The following COPG1 variants were observed in gnomAD, a reference collection of about 807,000 sequenced individuals.
The protein encoded by COPG1 is coat protein complex I subunit gamma 1.
In COPG1, 29 loss-of-function variants were observed where a neutral mutation model predicts 102.8. That is an observed-to-expected ratio of 0.28 (90% CI 0.21 to 0.38). COPG1 has a LOEUF of 0.38. Ranked by LOEUF, COPG1 falls within the 10% of genes least tolerant of loss-of-function variation. COPG1 has a pLI of 1.00. For missense variants in COPG1, 875 were observed against 1,132.7 expected (o/e 0.77, Z 3.27); for synonymous variants, 406 against 421.6 (o/e 0.96, Z 0.45).
Position 129,271,254 on chromosome 3 carries a change from C to T in COPG1, c.1844-513C>T, listed in dbSNP as rs953123193. 1.3e-5 allele frequency among the ~76,000 whole-genome samples: 2 copies of T among 152,162 alleles called. No individual in the cohort carries two copies. Among genetic ancestry groups the T allele is most frequent in the African/African-American group, 2.4e-5 (1 of 41,430 alleles). On this transcript the variant is annotated intron_variant, in intron 18 of 23. Coordinates refer to ENST00000314797, the MANE Select transcript of COPG1 (RefSeq NM_016128.4). The surrounding 1 kb of genome is among the most constrained non-coding windows in gnomAD (Gnocchi z 4.7). ...AGGGATAGGTCTTACCAGACACAAA[C>T]AATTCTAAGTTAGGTTTTCTGCAAC... is the stretch of plus-strand genomic sequence containing the variant.
rs778006635 is a variant in COPG1, at chr3:129,252,265, G to A, written c.91-16G>A. The A allele has an allele frequency of 6.4e-7, 1 of 1,559,270 alleles. No individual in the cohort carries two copies. The highest frequency in any genetic ancestry group is 1.1e-5 in the South Asian group (1 of 89,770). ...AACTAGGCTAGAAGGTAACATCTTTGGTCATTTCTTCTTAGGCCCGTGTAT... is the reference window on the plus strand; with the variant it reads ...AACTAGGCTAGAAGGTAACATCTTTAGTCATTTCTTCTTAGGCCCGTGTAT... On this transcript the variant is annotated splice_polypyrimidine_tract_variant and intron_variant, in intron 2 of 23. Coordinates refer to ENST00000314797, the MANE Select transcript of COPG1 (RefSeq NM_016128.4).
rs889000325 is a variant in COPG1 at position 129,268,598 on chromosome 3, G to C, written c.1752G>C (p.Ala584=). Reference sequence around the variant, plus strand: ...TCAAGTCTGTGCCCCTGGCCACGGCGCCCATGGCAGAGCAGAGAACAGGTA... The same window carrying C: ...TCAAGTCTGTGCCCCTGGCCACGGCCCCCATGGCAGAGCAGAGAACAGGTA... The part of the protein sequence containing the change: ...FDLKSVPLAT[A]PMAEQRTEST... Residue 584 remains alanine, a synonymous_variant, in exon 17 of 24, where the codon GCG becomes GCC. Coordinates refer to ENST00000314797, the MANE Select transcript of COPG1 (RefSeq NM_016128.4). The C allele has an allele frequency of 6.2e-7, 1 of 1,613,994 alleles. No homozygotes were observed. Among genetic ancestry groups the C allele is most frequent in the African/African-American group, 1.3e-5 (1 of 74,926 alleles).
chr3:129,262,748 G>A (rs557653503), intron 12 of COPG1, among the ~76,000 whole-genome samples: 12 of 151,458 alleles, frequency 7.9e-5, no homozygotes, highest in African/African-American at 2.4e-4. Context: ...GGCTGGGCGC[G>A]GTGGCTTATG....
At chr3:129,263,813 A>G in intron 12 of COPG1, 91 bp from the exon 13 acceptor site, 1 of 1,069,368 alleles carries the variant, frequency 9.4e-7, no homozygotes, top group Non-Finnish European at 1.4e-6. Flanking sequence ...GCCTGGCCTT[A>G]CCTAAGGAAG....
In COPG1 at chr3:129,272,435, C is replaced by G. The variant is rs769565535; in HGVS notation, c.2158+20C>G. ...CAGCTGGTGAGCCCCTCTCCAGATA[C>G]CACCCTATCCTCCTGGGAGCTCATG... On this transcript the variant is annotated intron_variant, in intron 20 of 23. Coordinates refer to ENST00000314797, the MANE Select transcript of COPG1 (RefSeq NM_016128.4). The G allele has an allele frequency of 2.5e-6, 4 of 1,602,900 alleles. No individual in the cohort carries two copies. In the Admixed American group the frequency reaches 6.9e-5, roughly 27 times the overall value.
At chr3:129,268,657 A>G (rs960882352) in intron 17 of COPG1, 37 bp downstream of exon 17, 1 of 1,609,120 alleles carries the variant, frequency 6.2e-7, no homozygotes, top group Non-Finnish European at 8.5e-7. Flanking sequence ...CATCAAGGCC[A>G]GGCCTCTGTT....
chr3:129,277,575 T>G lies in COPG1; in HGVS notation c.*151T>G. 3.3e-5 allele frequency: 19 copies of G among 569,466 alleles called. No homozygotes were observed. The highest frequency in any genetic ancestry group is 4.3e-5 in the Non-Finnish European group (15 of 351,156). 35.3% of individuals were successfully genotyped at this position (569,466 alleles called of 1,614,324 possible). A position where few individuals can be genotyped will look rare whatever the true frequency, so the allele number is the denominator to read the frequency against. The stretch of plus-strand genomic sequence containing the variant: ...GATTTTTTTTTATTCTGCTCCCACC[T>G]CCCACCCGGGACTACTTGCTGGTGA... On this transcript the variant is annotated 3_prime_UTR_variant, in exon 24 of 24. Coordinates refer to ENST00000314797, the MANE Select transcript of COPG1 (RefSeq NM_016128.4).
chr3:129,267,322 T>A (rs1310032152), intron 15 of COPG1: 10 of 405,660 alleles, frequency 2.5e-5, no homozygotes, highest in African/African-American at 4.2e-5. Flanking sequence ...GTCCATTTTT[T>A]AAAAATAGCT....
At chr3:129,261,025 A>C (rs977461976) in intron 12 of COPG1, among the ~76,000 whole-genome samples, 1 of 152,210 alleles carries the variant, frequency 6.6e-6, no homozygotes, top group African/African-American at 2.4e-5. Context: ...TTGTACTGAA[A>C]GAACAGTAGT....
chr3:129,265,911 G>A, intron 14 of COPG1, 119 bp downstream of exon 14: 1 of 992,582 alleles, frequency 1.0e-6, no homozygotes, highest in Non-Finnish European at 1.5e-6. Context: ...TGCACAAGCT[G>A]TTTTTCATAA....
At chr3:129,269,224 G>A (rs187057253) in intron 18 of COPG1, among the ~76,000 whole-genome samples, 76 of 152,302 alleles carry the variant, frequency 5.0e-4, no homozygotes, top group African/African-American at 1.8e-3. Flanking sequence ...TGGAATTAAG[G>A]TCCCGATCAA....
intron 5 of COPG1, 167 bp from the exon 6 acceptor site, chr3:129,254,501 A>G (rs1041467736): frequency 1.8e-6 from 1 of 561,794 alleles, no homozygotes; most frequent in African/African-American, 1.9e-5. Context: ...AGTCTTATGA[A>G]ACTCCCTCCA....
Position 129,277,457 on chromosome 3 carries a change from C to T in COPG1, c.*33C>T, listed in dbSNP as rs767505228. On this transcript the variant is annotated 3_prime_UTR_variant, in exon 24 of 24. Transcript: ENST00000314797. ...GCCTGCATAGGACCTCATACCCTTC[C>T]CCAACACTACCTGGAAGTTGTGCCT... 3 of 1,607,710 alleles carry T rather than the reference C, an allele frequency of 1.9e-6. No homozygotes were observed. Among genetic ancestry groups the T allele is most frequent in the African/African-American group, 2.7e-5 (2 of 74,782 alleles).
chr3:129,261,991 C>T (rs1939934844), intron 12 of COPG1, among the ~76,000 whole-genome samples: 1 of 152,134 alleles, frequency 6.6e-6, no homozygotes, highest in Non-Finnish European at 1.5e-5. Flanking sequence ...TCAGAGCAAA[C>T]AATAATATGA....
At chr3:129,274,705 A>G (rs2107680038) in intron 21 of COPG1, 133 bp from the exon 22 acceptor site, 1 of 1,016,258 alleles carries the variant, frequency 9.8e-7, no homozygotes, top group African/African-American at 1.6e-5. Context: ...CTATGTCCCC[A>G]GAGTCTAGCA....
rs530138306 is a variant in COPG1 at position 129,257,927 on chromosome 3, G to A, written c.871+67G>A. On this transcript the variant is annotated intron_variant, in intron 10 of 23. Transcript: ENST00000314797. ...TGCTGGGAACTAGGCCTGGGTTCCC[G>A]GGCTAGGAGAAAGAAAGAAAATGCT... is the stretch of plus-strand genomic sequence containing the variant. 8.9e-5 allele frequency: 139 copies of A among 1,568,514 alleles called. 1 individual carries two copies. In the African/African-American group the frequency reaches 1.1e-3, roughly 13 times the overall value.
chr3:129,270,369 G>A (rs1272619707), intron 18 of COPG1, among the ~76,000 whole-genome samples: 1 of 152,096 alleles, frequency 6.6e-6, no homozygotes, highest in Non-Finnish European at 1.5e-5. Flanking sequence ...AACTTTCCTA[G>A]ATCTTGAATT....
At chr3:129,250,571 G>T (rs1479025610) in intron 1 of COPG1, 111 bp from the exon 2 acceptor site, 4 of 851,068 alleles carry the variant, frequency 4.7e-6, no homozygotes, top group South Asian at 1.5e-5. Flanking sequence ...TTCCTGAGGA[G>T]TTTGAACTTT....
chr3:129,268,516 G>A lies in COPG1; in HGVS notation c.1670G>A (p.Gly557Asp), dbSNP rs200370770. 781 of 1,614,170 alleles carry A rather than the reference G, an allele frequency of 4.8e-4. 13 individuals carry two copies. Among genetic ancestry groups the A allele is most frequent in the Non-Finnish European group, 6.9e-5 (81 of 1,180,022 alleles). The part of the protein sequence containing the change: ...ILNGLTVSIP[G>D]LERALQQYTL... ...CCAGGTCTGACTGTGTCCATCCCTGGTCTGGAGAGGGCTCTGCAGCAGTAC... is the reference window on the plus strand; with the variant it reads ...CCAGGTCTGACTGTGTCCATCCCTGATCTGGAGAGGGCTCTGCAGCAGTAC... The change falls in exon 17 of 24, where the codon GGT (glycine) becomes GAT (aspartate). Residue 557 changes from glycine (G) to aspartate (D), a missense_variant. By Grantham distance (94) the Gly-to-Asp change is moderately conservative (BLOSUM62 -1). Coordinates refer to ENST00000314797, the MANE Select transcript of COPG1 (RefSeq NM_016128.4).
Sources: gnomAD v4.1 joint callset for allele counts (sites outside exome capture counted in the v4.1 genomes callset) on GRCh38, gnomAD v4.1.1 for gene constraint, Gnocchi (gnomAD v3.1) non-coding constraint, MANE v1.5 for transcripts, NCBI Gene and HGNC (gene_info 2026-07-23, HGNC 2026-07-21) for gene names.